The following CDC42SE2 variants were observed in gnomAD, a reference collection of about 807,000 sequenced individuals.
The protein encoded by CDC42SE2 is CDC42 small effector 2, also known as CDC42 small effector protein 2.
Under a neutral mutation model 11.5 loss-of-function variants are expected in CDC42SE2, and 3 were observed. The ratio of observed to expected loss-of-function variants is 0.26; its 90% CI spans 0.12 to 0.67. CDC42SE2 has a LOEUF of 0.67. CDC42SE2 is among the 30% of genes least tolerant of loss of function. The pLI is 0.80. For synonymous variants in CDC42SE2, 33 were observed against 34.8 expected (o/e 0.95, Z 0.18); for missense variants, 82 against 106.8 (o/e 0.77, Z 1.02).
chr5:131,240,421 T>A, the CDC42SE2 span, among the ~76,000 whole-genome samples: 4 of 152,232 alleles, frequency 2.6e-5, no homozygotes, highest in African/African-American at 9.6e-5. Context: ...AATATTAAGG[T>A]GAAACCAAAC....
At chr5:131,298,335 G>A (rs915714363) in intron 1 of CDC42SE2, among the ~76,000 whole-genome samples, 10 of 151,764 alleles carry the variant, frequency 6.6e-5, no homozygotes, top group African/African-American at 1.9e-4. Flanking sequence ...TTGAACTCCC[G>A]AACTCAGGTG....
chr5:131,334,811 ATCC>A (rs1758514091), intron 2 of CDC42SE2, among the ~76,000 whole-genome samples: 1 of 152,098 alleles, frequency 6.6e-6, no homozygotes, highest in African/African-American at 2.4e-5. Flanking sequence ...GGGTGGTGAT[ATCC>A]CCTTTATCAT....
rs1267637988 is a variant in CDC42SE2, at chr5:131,315,974, A to G, written c.-454-2A>G. 6.6e-6 allele frequency: 1 copy of G among 152,320 alleles called. No homozygotes were observed. The highest frequency in any genetic ancestry group is 2.4e-5 in the African/African-American group (1 of 41,434). 9.4% of individuals were successfully genotyped at this position (152,320 alleles called of 1,614,324 possible). A position where few individuals can be genotyped will look rare whatever the true frequency, so the allele number is the denominator to read the frequency against. The stretch of plus-strand genomic sequence containing the variant: ...CTCCTAATTGCATGCTTTCATTTGC[A>G]GATAGGGCCAGATTTGAGTGTGTGA... On this transcript the variant is annotated splice_acceptor_variant, in intron 1 of 4. Transcript: ENST00000505065. LOFTEE classifies it low-confidence loss of function (5UTR_SPLICE).
intron 1 of CDC42SE2, among the ~76,000 whole-genome samples, chr5:131,288,543 G>A (rs887936074): frequency 2.6e-5 from 4 of 152,090 alleles, no homozygotes; most frequent in African/African-American, 4.8e-5. Flanking sequence ...GGTCCAGGCT[G>A]AAGTGCAGTG....
At chr5:131,310,842 C>T (rs1006120378) in intron 1 of CDC42SE2, among the ~76,000 whole-genome samples, 1 of 151,928 alleles carries the variant, frequency 6.6e-6, no homozygotes, top group Non-Finnish European at 1.5e-5. Context: ...TGTGTCTCTG[C>T]ACGTGAGATG....
intron 2 of CDC42SE2, among the ~76,000 whole-genome samples, chr5:131,338,314 T>C (rs1316304281): frequency 6.6e-6 from 1 of 152,208 alleles, no homozygotes; most frequent in African/African-American, 2.4e-5. Flanking sequence ...ATAGCCATGA[T>C]GAATGCCATC....
intron 1 of CDC42SE2, among the ~76,000 whole-genome samples, chr5:131,310,321 A>T (rs1757876434): frequency 1.3e-5 from 2 of 151,612 alleles, no homozygotes; most frequent in African/African-American, 4.9e-5. Context: ...ATAGTTTGTT[A>T]TAATTTCTGT....
chr5:131,252,670 C>A (rs1446040930), intron 1 of CDC42SE2, among the ~76,000 whole-genome samples: 4 of 152,106 alleles, frequency 2.6e-5, no homozygotes, highest in Admixed American at 1.3e-4. Context: ...ACAACAACAA[C>A]AAAAAACTCC....
chr5:131,386,856 A>G (rs1305300773), intron 4 of CDC42SE2, among the ~76,000 whole-genome samples: 4 of 149,832 alleles, frequency 2.7e-5, no homozygotes, highest in Admixed American at 6.6e-5. Context: ...ACTAGACAGC[A>G]TTAACAAAAG....
chr5:131,298,281 T>A (rs982839451), intron 1 of CDC42SE2, among the ~76,000 whole-genome samples: 2 of 151,806 alleles, frequency 1.3e-5, no homozygotes, highest in African/African-American at 2.4e-5. Flanking sequence ...TTTTATTTTT[T>A]TTTTAAGTAG....
chr5:131,300,594 C>T (rs1217403339), intron 1 of CDC42SE2, among the ~76,000 whole-genome samples: 1 of 151,966 alleles, frequency 6.6e-6, no homozygotes, highest in Non-Finnish European at 1.5e-5. Flanking sequence ...ACCATCCTGG[C>T]TTACACATTG....
At chr5:131,334,770 T>A (rs569141390) in intron 2 of CDC42SE2, among the ~76,000 whole-genome samples, 62 of 152,342 alleles carry the variant, frequency 4.1e-4, no homozygotes, top group African/African-American at 1.4e-3. Flanking sequence ...TTTATAGTAT[T>A]CTCTGATGGT....
At chr5:131,347,126 A>G (rs1302096989) in intron 2 of CDC42SE2, among the ~76,000 whole-genome samples, 2 of 152,236 alleles carry the variant, frequency 1.3e-5, no homozygotes, top group Non-Finnish European at 2.9e-5. Context: ...AAGCTAGAAG[A>G]AGGCAAGAAA....
At chr5:131,278,897 G>C (rs1458706963) in intron 1 of CDC42SE2, among the ~76,000 whole-genome samples, 1 of 143,014 alleles carries the variant, frequency 7.0e-6, no homozygotes. Context: ...TGATTCTCCT[G>C]CCTCAGCCTC....
At chr5:131,271,566 G>T (rs1024473403) in intron 1 of CDC42SE2, among the ~76,000 whole-genome samples, 5 of 152,080 alleles carry the variant, frequency 3.3e-5, no homozygotes. Flanking sequence ...AGCATCTGGG[G>T]ATTTGGGCCA....
chr5:131,373,245 T>C (rs1750060874), intron 3 of CDC42SE2, among the ~76,000 whole-genome samples: 1 of 151,990 alleles, frequency 6.6e-6, no homozygotes, highest in Non-Finnish European at 1.5e-5. Context: ...AGATAAAACC[T>C]ACAAAGAAAA....
intron 1 of CDC42SE2, among the ~76,000 whole-genome samples, chr5:131,314,447 C>T (rs1757999119): frequency 6.6e-6 from 1 of 152,038 alleles, no homozygotes; most frequent in African/African-American, 2.4e-5. Flanking sequence ...CCCTGTGTTT[C>T]CCAGGCTGGT....
chr5:131,267,941 C>T (rs1237623083), intron 1 of CDC42SE2, among the ~76,000 whole-genome samples: 1 of 150,434 alleles, frequency 6.6e-6, no homozygotes, highest in Non-Finnish European at 1.5e-5. Flanking sequence ...AATATTTTAA[C>T]ATTTTATTGA....
At chr5:131,304,366 G>C (rs1211264453) in intron 1 of CDC42SE2, among the ~76,000 whole-genome samples, 5 of 152,092 alleles carry the variant, frequency 3.3e-5, no homozygotes, top group African/African-American at 1.2e-4. Flanking sequence ...CAGGTAGATA[G>C]GGATAGAGGT....
Sources: allele counts gnomAD v4.1 joint callset (sites outside exome capture counted in the v4.1 genomes callset), GRCh38; gene constraint gnomAD v4.1.1; transcripts MANE v1.5; gene names NCBI Gene and HGNC (gene_info 2026-07-23, HGNC 2026-07-21).